Variants in KIAA0586 observed in about 807,000 individuals in gnomAD.
The protein encoded by KIAA0586 is KIAA0586.
Under a neutral mutation model 169.8 loss-of-function variants are expected in KIAA0586, and 144 were observed. That is an observed-to-expected ratio of 0.85 (90% CI 0.74 to 0.97). KIAA0586 has a LOEUF of 0.97. Among genes scored for constraint, KIAA0586 ranks in the 50% least tolerant of loss-of-function variants. KIAA0586 has a pLI of 0.00. For synonymous variants in KIAA0586, 625 were observed against 612.4 expected (o/e 1.02, Z -0.30); for missense variants, 1,854 against 1,823.0 (o/e 1.02, Z -0.31).
At chr14:58,488,575 G>A in intron 23 of KIAA0586, 46 bp from the exon 24 acceptor site, 1 of 1,599,534 alleles carries the variant, frequency 6.3e-7, no homozygotes. Flanking sequence ...ATGAATACAG[G>A]CCTTCAGTGA....
rs769617446 is a variant in KIAA0586 at position 58,442,786 on chromosome 14, A to G, written c.491A>G (p.Gln164Arg). The G allele has an allele frequency of 6.2e-7, 1 of 1,603,918 alleles. No individual in the cohort carries two copies. Among genetic ancestry groups the G allele is most frequent in the Non-Finnish European group, 8.5e-7 (1 of 1,174,586 alleles). ...GGCATAGAGAAGGATGCTGTTACTC[A>G]GGAGACTAGAATTTCACCCAGTGGA... ...DAGIEKDAVTQETRISPSGID... is the reference protein window; with the variant it reads ...DAGIEKDAVTRETRISPSGID... Residue 164 changes from glutamine to arginine, a missense_variant, in exon 5 of 31, where the codon CAG becomes CGG. Transcript: ENST00000652326.
At chr14:58,529,182 A>G (rs2045794464) in intron 29 of KIAA0586, among the ~76,000 whole-genome samples, 1 of 152,234 alleles carries the variant, frequency 6.6e-6, no homozygotes, top group African/African-American at 2.4e-5. Flanking sequence ...GAATAGATCA[A>G]TAACAAGTTC....
At position 58,543,980 on chromosome 14, in the gene KIAA0586, G is replaced by A. The variant is rs575409268; in HGVS notation, c.4496-3801G>A. The A allele has an allele frequency of 1.1e-4, 47 of 446,344 alleles. No individual in the cohort carries two copies. In the Admixed American group the frequency reaches 1.1e-3, roughly 10 times the overall value. The allele number at this position is 446,344 out of a possible 1,614,324, so 27.6% of individuals were successfully genotyped here. ...TTTCATCACCCAGGTATTAAGCCTAGTACCCAATAGTTATTTTTTCTGCTC... is the reference window on the plus strand; with the variant it reads ...TTTCATCACCCAGGTATTAAGCCTAATACCCAATAGTTATTTTTTCTGCTC... On this transcript the variant is annotated intron_variant, in intron 30 of 30. Transcript: ENST00000652326.
rs1447329219 is a variant in KIAA0586, at chr14:58,550,126, G to A, written c.*2194G>A. 1 of 152,146 alleles carries A rather than the reference G, an allele frequency of 6.6e-6. No individual in the cohort carries two copies. The highest frequency in any genetic ancestry group is 1.9e-4 in the East Asian group (1 of 5,162). The allele number at this position is 152,146 out of a possible 1,614,324, so 9.4% of individuals were successfully genotyped here. ...CGATTCTCCTGCCTTAGCCTCCTTA[G>A]TAGCTGGGATTACAGGCGTGCGCCA... On this transcript the variant is annotated 3_prime_UTR_variant, in exon 31 of 31. Transcript: ENST00000652326.
At chr14:58,526,657 G>T (rs919189053) in intron 29 of KIAA0586, among the ~76,000 whole-genome samples, 15 of 152,226 alleles carry the variant, frequency 9.9e-5, no homozygotes, top group Admixed American at 9.8e-4. Flanking sequence ...TTCTTCAAAG[G>T]ATCACAACTC....
chr14:58,557,672 T>A, the KIAA0586 span, among the ~76,000 whole-genome samples: 2 of 151,810 alleles, frequency 1.3e-5, no homozygotes, highest in African/African-American at 4.8e-5. Context: ...GACTGAGAGA[T>A]TTGTTCAGAG....
Position 58,428,138 on chromosome 14 carries a change from G to T in KIAA0586, c.-127G>T, listed in dbSNP as rs2037000085. The T allele has an allele frequency of 1.4e-6, 2 of 1,473,290 alleles. No homozygotes were observed. The highest frequency in any genetic ancestry group is 5.4e-5 in the Admixed American group (2 of 36,704). 91.3% of individuals were successfully genotyped at this position (1,473,290 alleles called of 1,614,324 possible). On this transcript the variant is annotated 5_prime_UTR_variant, in exon 1 of 31. Transcript: ENST00000652326. The stretch of plus-strand genomic sequence containing the variant: ...TTCAATATCAGAATTTAGATTTTCA[G>T]CTTTGTGGATGTTCGACATTTTAAA...
intron 24 of KIAA0586, 132 bp from the exon 25 acceptor site, chr14:58,490,032 T>G: frequency 2.0e-6 from 1 of 510,660 alleles, no homozygotes; most frequent in East Asian, 3.6e-5. Flanking sequence ...TGTGAATTAC[T>G]TGTTTATAAA....
chr14:58,545,866 T>A (rs1188392299), intron 30 of KIAA0586, among the ~76,000 whole-genome samples: 3 of 151,648 alleles, frequency 2.0e-5, no homozygotes, highest in Non-Finnish European at 4.4e-5. Context: ...ACCCTCCCTC[T>A]ACAAAAAATT....
chr14:58,510,325 C>T (rs567900724), intron 28 of KIAA0586, among the ~76,000 whole-genome samples: 6 of 152,274 alleles, frequency 3.9e-5, no homozygotes, highest in Admixed American at 2.0e-4. Flanking sequence ...GCCAAGATCT[C>T]GCCACTGCAC....
intron 26 of KIAA0586, among the ~76,000 whole-genome samples, chr14:58,494,792 A>AT (rs369100248): frequency 3.4e-4 from 51 of 152,180 alleles, no homozygotes; most frequent in African/African-American, 1.2e-3. Flanking sequence ...TTCTGGACAG[A>AT]TTTCATCTAT....
downstream of KIAA0586, among the ~76,000 whole-genome samples, chr14:58,552,577 C>G (rs1046548709): frequency 7.2e-5 from 11 of 152,180 alleles, no homozygotes; most frequent in African/African-American, 2.7e-4. Context: ...TGATACATCT[C>G]TGGAATTCAG....
chr14:58,557,384 C>A, the KIAA0586 span, among the ~76,000 whole-genome samples: 3 of 152,142 alleles, frequency 2.0e-5, no homozygotes, highest in Non-Finnish European at 4.4e-5. Flanking sequence ...GGAAGGATTT[C>A]ATCATCAGTG....
intron 29 of KIAA0586, among the ~76,000 whole-genome samples, chr14:58,533,584 CATCTGGTTTGT>C (rs1397310237): frequency 6.6e-6 from 1 of 152,140 alleles, no homozygotes; most frequent in African/African-American, 2.4e-5. Context: ...AGTAAGTTCC[CATCTGGTTTGT>C]ATCAGACTGT....
chr14:58,511,752 G>A (rs984938543), intron 28 of KIAA0586, among the ~76,000 whole-genome samples: 7 of 152,310 alleles, frequency 4.6e-5, no homozygotes, highest in Admixed American at 2.0e-4. Context: ...GCCTGTCAGA[G>A]GTGCAGTGAT....
At chr14:58,521,819 T>C in intron 29 of KIAA0586, 1 of 837,212 alleles carries the variant, frequency 1.2e-6, no homozygotes, top group South Asian at 1.3e-5. Context: ...ATGAGACTAA[T>C]GTGAAGGTGG....
intron 26 of KIAA0586, among the ~76,000 whole-genome samples, chr14:58,495,256 G>GTGTATA (rs1382852306): frequency 6.6e-6 from 1 of 151,886 alleles, no homozygotes. Context: ...AAATATATTT[G>GTGTATA]TGTATATGTA....
rs2036997173 is a variant in KIAA0586, at chr14:58,428,113, TTCAA to T, written c.-150_-147del. 6.8e-7 allele frequency: 1 copy of T among 1,463,356 alleles called. No homozygotes were observed. Among genetic ancestry groups the T allele is most frequent in the Non-Finnish European group, 9.0e-7 (1 of 1,111,838 alleles). The allele number at this position is 1,463,356 out of a possible 1,614,324, so 90.6% of individuals were successfully genotyped here. On this transcript the variant is annotated 5_prime_UTR_variant, in exon 1 of 31. An upstream open reading frame in the 5' UTR loses its in-frame stop. Transcript: ENST00000652326. ...CTTTATAGTCAGCTCTAATCCTGGA[TTCAA>T]TATCAGAATTTAGATTTTCAGCTTT...
At chr14:58,465,683 T>C (rs531399037) in intron 14 of KIAA0586, among the ~76,000 whole-genome samples, 152 bp from the exon 15 acceptor site, 39 of 152,346 alleles carry the variant, frequency 2.6e-4, no homozygotes, top group African/African-American at 8.7e-4. Context: ...AGAAGTTTGC[T>C]ACCTCTGGTC....
Sources: allele counts gnomAD v4.1 joint callset (sites outside exome capture counted in the v4.1 genomes callset), GRCh38; gene constraint gnomAD v4.1.1; transcripts MANE v1.5; gene names NCBI Gene and HGNC (gene_info 2026-07-23, HGNC 2026-07-21).